Variants in PPARGC1A observed in about 807,000 individuals in gnomAD.
The protein encoded by PPARGC1A is PPARG coactivator 1 alpha.
A neutral mutation model predicts 88.7 loss-of-function variants in PPARGC1A; 25 were observed. That is an observed-to-expected ratio of 0.28 (90% CI 0.21 to 0.39). The LOEUF is 0.39. PPARGC1A is among the 10% of genes least tolerant of loss of function. PPARGC1A has a pLI of 1.00. For missense variants in PPARGC1A, 880 were observed against 968.7 expected, an observed-to-expected ratio of 0.91 and a Z score of 1.22; for synonymous variants, 363 against 355.6, an observed-to-expected ratio of 1.02 and a Z score of -0.24.
chr4:24,256,601 A>C, the PPARGC1A span, among the ~76,000 whole-genome samples: 1 of 152,226 alleles, frequency 6.6e-6, no homozygotes, highest in African/African-American at 2.4e-5. Context: ...ACTTTAAAAC[A>C]TGGGTAAACA....
At chr4:24,305,133 G>GTATATA in the PPARGC1A span, among the ~76,000 whole-genome samples, 2,612 of 142,880 alleles carry the variant, frequency 0.018, 39 homozygotes, top group African/African-American at 0.034. Flanking sequence ...ATATGTGTAT[G>GTATATA]TATATATATA....
At chr4:24,327,935 C>A in the PPARGC1A span, among the ~76,000 whole-genome samples, 1 of 152,142 alleles carries the variant, frequency 6.6e-6, no homozygotes, top group Non-Finnish European at 1.5e-5. Context: ...AGGCCCTGCC[C>A]CACCTTAACT....
chr4:24,341,124 C>A, the PPARGC1A span, among the ~76,000 whole-genome samples: 2 of 151,636 alleles, frequency 1.3e-5, no homozygotes, highest in South Asian at 4.2e-4. Context: ...GCTAATCCTA[C>A]GGGAAGGAAA....
chr4:24,272,389 G>A, the PPARGC1A span, among the ~76,000 whole-genome samples: 1 of 152,018 alleles, frequency 6.6e-6, no homozygotes, highest in Non-Finnish European at 1.5e-5. Context: ...AACCACTGAG[G>A]AGGCTTCAAT....
the PPARGC1A span, among the ~76,000 whole-genome samples, chr4:24,284,911 C>T: frequency 6.6e-6 from 1 of 152,002 alleles, no homozygotes; most frequent in Non-Finnish European, 1.5e-5. Context: ...GCCTGTAATC[C>T]CAGCTACTTG....
intron 2 of PPARGC1A, among the ~76,000 whole-genome samples, chr4:23,868,779 CA>C (rs1373179759): frequency 6.6e-6 from 1 of 152,168 alleles, no homozygotes; most frequent in Non-Finnish European, 1.5e-5. Flanking sequence ...AAACACAGAC[CA>C]AAACAACCAG....
chr4:24,438,870 A>G, the PPARGC1A span, among the ~76,000 whole-genome samples: 39 of 151,950 alleles, frequency 2.6e-4, no homozygotes, highest in Non-Finnish European at 5.1e-4. Flanking sequence ...CCTGTGTCTC[A>G]TTAGTCAAAT....
At chr4:24,050,485 T>G in the PPARGC1A span, among the ~76,000 whole-genome samples, 1 of 152,074 alleles carries the variant, frequency 6.6e-6, no homozygotes, top group East Asian at 1.9e-4. Flanking sequence ...CGTGAGCTAC[T>G]GCGCCTGGCT....
the PPARGC1A span, among the ~76,000 whole-genome samples, chr4:24,075,824 A>G: frequency 6.6e-6 from 1 of 152,074 alleles, no homozygotes; most frequent in Non-Finnish European, 1.5e-5. Context: ...TCTTTCCTTT[A>G]TAAATTACCC....
the PPARGC1A span, among the ~76,000 whole-genome samples, chr4:24,094,396 C>T: frequency 6.6e-6 from 1 of 152,210 alleles, no homozygotes; most frequent in Non-Finnish European, 1.5e-5. Flanking sequence ...GCTTCCATTA[C>T]AGGCCCAGTC....
At chr4:24,030,991 AG>A in the PPARGC1A span, among the ~76,000 whole-genome samples, 2 of 152,106 alleles carry the variant, frequency 1.3e-5, no homozygotes, top group Admixed American at 1.3e-4. Flanking sequence ...ACTGGAGAAA[AG>A]GAGGCAGAAA....
At chr4:24,336,556 G>A in the PPARGC1A span, among the ~76,000 whole-genome samples, 1 of 152,046 alleles carries the variant, frequency 6.6e-6, no homozygotes, top group Non-Finnish European at 1.5e-5. Context: ...CAAACATCAC[G>A]TTTGTTCATA....
At chr4:24,049,182 CTG>C in the PPARGC1A span, among the ~76,000 whole-genome samples, 2 of 148,462 alleles carry the variant, frequency 1.3e-5, no homozygotes, top group Admixed American at 6.8e-5. Context: ...AAGAGAGAGA[CTG>C]TCTCTCTCTA....
the PPARGC1A span, among the ~76,000 whole-genome samples, chr4:24,290,943 C>T: frequency 0.027 from 4,107 of 152,238 alleles, 189 homozygotes; most frequent in African/African-American, 0.094. Context: ...GAAGCAGCCA[C>T]TTCCCTGATA....
the PPARGC1A span, among the ~76,000 whole-genome samples, chr4:24,335,596 AG>A: frequency 3.3e-5 from 5 of 152,196 alleles, no homozygotes; most frequent in African/African-American, 9.7e-5. Context: ...ACCCCCGAAA[AG>A]TTTCAGTATA....
the PPARGC1A span, among the ~76,000 whole-genome samples, chr4:24,337,787 A>C: frequency 6.6e-6 from 1 of 152,170 alleles, no homozygotes; most frequent in East Asian, 1.9e-4. Context: ...CTATAAATTC[A>C]AAACTTCACA....
At chr4:23,873,024 A>G (rs1011778430) in intron 2 of PPARGC1A, among the ~76,000 whole-genome samples, 10 of 151,738 alleles carry the variant, frequency 6.6e-5, no homozygotes, top group Non-Finnish European at 1.3e-4. Context: ...CCCCGTCTCT[A>G]CTAAAAATAC....
the PPARGC1A span, among the ~76,000 whole-genome samples, chr4:23,926,670 C>A: frequency 4.6e-5 from 7 of 152,174 alleles, no homozygotes; most frequent in South Asian, 6.2e-4. Flanking sequence ...TACCTGAAAT[C>A]ATTTCCCAAA....
At chr4:23,909,380 G>A in the PPARGC1A span, among the ~76,000 whole-genome samples, 1 of 152,224 alleles carries the variant, frequency 6.6e-6, no homozygotes, top group African/African-American at 2.4e-5. Flanking sequence ...CCCTAATCAT[G>A]AGGTTAGCAT....
Sources: allele counts gnomAD v4.1 joint callset (sites outside exome capture counted in the v4.1 genomes callset), GRCh38; gene constraint gnomAD v4.1.1; transcripts MANE v1.5; gene names NCBI Gene and HGNC (gene_info 2026-07-23, HGNC 2026-07-21).